The following FRMPD4 variants were observed in gnomAD, a reference collection of about 807,000 sequenced individuals.
The protein encoded by FRMPD4 is FERM and PDZ domain-containing protein 4.
A neutral mutation model predicts 94.1 loss-of-function variants in FRMPD4; 22 were observed. The ratio of observed to expected loss-of-function variants is 0.23; its 90% confidence interval spans 0.17 to 0.33. FRMPD4 has a LOEUF of 0.33. FRMPD4 is among the 10% of genes least tolerant of loss of function. FRMPD4 has a pLI of 1.00. For missense variants in FRMPD4, 1,111 were observed against 1,339.9 expected (o/e 0.83, Z 2.67); for synonymous variants, 631 against 548.6 (o/e 1.15, Z -2.10).
chrX:12,418,094 A>C (rs2056831977), intron 1 of FRMPD4, among the ~76,000 whole-genome samples: 1 of 110,342 alleles, frequency 9.1e-6, no homozygotes, highest in African/African-American at 3.3e-5. Context: ...TGACACCGAA[A>C]AGGTTCAGAA....
Position 11,822,690 on chromosome X carries a change from A to G in FRMPD4, c.-186A>G, listed in dbSNP as rs1010965491. Among the ~76,000 whole-genome samples, 7 of 112,396 alleles carry G rather than the reference A, an allele frequency of 6.2e-5. No homozygotes were observed. In the South Asian group the frequency reaches 2.6e-3, roughly 41 times the overall value. On this transcript the variant is annotated 5_prime_UTR_variant, in exon 1 of 19. Transcript: ENST00000640291. Reference sequence around the variant, plus strand: ...GAGGTGGTGGCCAGGGCAGAGGCCAAGGTCTTGACAGAGGCCACTGACGAG... The same window carrying G: ...GAGGTGGTGGCCAGGGCAGAGGCCAGGGTCTTGACAGAGGCCACTGACGAG...
intron 1 of FRMPD4, among the ~76,000 whole-genome samples, chrX:12,323,893 ATAAG>A (rs925911895): frequency 6.3e-5 from 7 of 111,851 alleles, no homozygotes; most frequent in African/African-American, 2.3e-4. Flanking sequence ...ATCGGTTGCT[ATAAG>A]TAAGAGGAGG....
In FRMPD4 at chrX:12,721,444, G is replaced by A; in HGVS notation, c.4875G>A (p.Glu1625=). Residue 1625 remains glutamate (E), a synonymous_variant, in exon 17 of 17, where the codon GAG becomes GAA. Coordinates refer to ENST00000675598, the MANE Select transcript of FRMPD4 (RefSeq NM_001368397.1). ...TCTGTCTCGTCAGGGCAACCAAGGA[G>A]AAGAGGGAGGAGTCACGCCCTGAAG... ...ELLCLVRATK[E]KREESRPEAY... 1 of 754,881 alleles carries A rather than the reference G, an allele frequency of 1.3e-6. No homozygotes were observed. The highest frequency in any genetic ancestry group is 1.6e-6 in the Non-Finnish European group (1 of 638,341). The allele number at this position is 754,881 out of a possible 1,213,427, so 62.2% of individuals were successfully genotyped here. A position where few individuals can be genotyped will look rare whatever the true frequency, so the allele number is the denominator to read the frequency against.
intron 2 of FRMPD4, among the ~76,000 whole-genome samples, chrX:12,542,545 C>A (rs1191265821): frequency 1.8e-5 from 2 of 111,708 alleles, no homozygotes; most frequent in African/African-American, 6.5e-5. Context: ...TGTGAAGAAC[C>A]TCTTCAAGGA....
At position 12,357,284 on chromosome X, in the gene FRMPD4, T is replaced by A. The variant is rs780937009; in HGVS notation, c.42-141396T>A. 8.9e-5 allele frequency among the ~76,000 whole-genome samples: 10 copies of A among 111,995 alleles called. No homozygotes were observed. The South Asian group carries it at 3.7e-3, about 42-fold the overall frequency. On this transcript the variant is annotated intron_variant, in intron 1 of 16. Coordinates refer to ENST00000675598, the MANE Select transcript of FRMPD4 (RefSeq NM_001368397.1). ...AAGATTTTAAATTCCTTAACTATAC[T>A]CAAAGGGCAAAAGAAGTGACAACTA...
intron 1 of FRMPD4, among the ~76,000 whole-genome samples, chrX:12,225,357 A>C (rs1373395659): frequency 8.9e-6 from 1 of 112,203 alleles, no homozygotes; most frequent in African/African-American, 3.2e-5. Flanking sequence ...AGATTATAGC[A>C]AATAAGATGA....
intron 3 of FRMPD4, among the ~76,000 whole-genome samples, chrX:12,111,707 C>A (rs894417275): frequency 2.9e-4 from 32 of 111,999 alleles, no homozygotes; most frequent in Non-Finnish European, 5.3e-4. Flanking sequence ...CTACAAAGAA[C>A]TCAAACAAAT....
At chrX:12,678,693 C>T (rs1201842646) in intron 5 of FRMPD4, among the ~76,000 whole-genome samples, 1 of 111,927 alleles carries the variant, frequency 8.9e-6, no homozygotes, top group African/African-American at 3.3e-5. Flanking sequence ...GGTGTGGTGG[C>T]ACATGTCTGT....
intron 1 of FRMPD4, among the ~76,000 whole-genome samples, chrX:12,338,908 G>A (rs1271465953): frequency 8.9e-6 from 1 of 112,482 alleles, no homozygotes; most frequent in African/African-American, 3.2e-5. Flanking sequence ...ATTTTGAAGG[G>A]TAAGTGGGAA....
At chrX:12,267,898 G>A (rs1015392121) in intron 1 of FRMPD4, among the ~76,000 whole-genome samples, 5 of 113,003 alleles carry the variant, frequency 4.4e-5, no homozygotes, top group Admixed American at 3.7e-4. Flanking sequence ...TTCCTTAAAT[G>A]TGTTGCTGTC....
chrX:12,297,233 G>C (rs2054786042), intron 1 of FRMPD4, among the ~76,000 whole-genome samples: 1 of 112,715 alleles, frequency 8.9e-6, no homozygotes. Context: ...CACAATGTTT[G>C]AGATGGCTTT....
intron 3 of FRMPD4, among the ~76,000 whole-genome samples, chrX:11,900,877 C>A (rs1212416442): frequency 9.0e-6 from 1 of 111,189 alleles, no homozygotes; most frequent in Non-Finnish European, 1.9e-5. Flanking sequence ...CCACCCCCTC[C>A]TCTTCTCATA....
intron 14 of FRMPD4, among the ~76,000 whole-genome samples, chrX:12,711,189 G>C (rs965605210): frequency 3.6e-5 from 4 of 111,516 alleles, no homozygotes; most frequent in Non-Finnish European, 7.5e-5. Flanking sequence ...TGGAATGCCC[G>C]AACACGAGTT....
At chrX:11,989,941 C>T (rs756395478) in intron 3 of FRMPD4, among the ~76,000 whole-genome samples, 2 of 111,557 alleles carry the variant, frequency 1.8e-5, no homozygotes, top group Admixed American at 9.5e-5. Flanking sequence ...CAGAATACCC[C>T]GTGATTCCAC....
chrX:12,657,371 G>A (rs1251676023), intron 4 of FRMPD4, among the ~76,000 whole-genome samples: 2 of 111,775 alleles, frequency 1.8e-5, no homozygotes, highest in South Asian at 7.6e-4. Context: ...TTTTGGCCGG[G>A]ACCTCCCTTG....
At chrX:12,379,773 C>T (rs1402106815) in intron 1 of FRMPD4, among the ~76,000 whole-genome samples, 1 of 108,979 alleles carries the variant, frequency 9.2e-6, no homozygotes, top group Non-Finnish European at 1.9e-5. Flanking sequence ...ATAAAGCATT[C>T]TTGGCATATA....
intron 2 of FRMPD4, among the ~76,000 whole-genome samples, chrX:12,544,252 G>A (rs1198442207): frequency 2.7e-5 from 3 of 110,151 alleles, no homozygotes; most frequent in Non-Finnish European, 5.7e-5. Flanking sequence ...ATTTTTGAGA[G>A]AGAAAAAAAA....
In FRMPD4 at chrX:12,432,029, C is replaced by T. The variant is rs764125276; in HGVS notation, c.42-66651C>T. ...CCTCCCTGCCTGCCTTAACTCAGGGCTCTACATCTGTTTTAGACAACTTTT... is the reference window on the plus strand; with the variant it reads ...CCTCCCTGCCTGCCTTAACTCAGGGTTCTACATCTGTTTTAGACAACTTTT... On this transcript the variant is annotated intron_variant, in intron 1 of 16. Coordinates refer to ENST00000675598, the MANE Select transcript of FRMPD4 (RefSeq NM_001368397.1). Among the ~76,000 whole-genome samples, 3 of 112,163 alleles carry T rather than the reference C, an allele frequency of 2.7e-5. No individual in the cohort carries two copies. The South Asian group carries it at 1.1e-3, about 42-fold the overall frequency.
chrX:11,951,562 A>T (rs535822669), intron 3 of FRMPD4, among the ~76,000 whole-genome samples: 247 of 111,799 alleles, frequency 2.2e-3, no homozygotes, highest in African/African-American at 7.7e-3. Flanking sequence ...GGACACATAG[A>T]GGGGAACAAC....
Sources: allele counts gnomAD v4.1 joint callset (sites outside exome capture counted in the v4.1 genomes callset), GRCh38; gene constraint gnomAD v4.1.1; transcripts MANE v1.5; gene names NCBI Gene and HGNC (gene_info 2026-07-23, HGNC 2026-07-21).